The following CORIN variants were observed in gnomAD, a reference collection of about 807,000 sequenced individuals.
CORIN encodes the protein atrial natriuretic peptide-converting enzyme.
CORIN carries 117 observed loss-of-function variants against 125.3 expected under a neutral mutation model. That is an observed-to-expected ratio of 0.93 (90% CI 0.80 to 1.09). The LOEUF (loss-of-function observed/expected upper bound fraction) is 1.09. CORIN is among the 50% of genes least tolerant of loss of function. The probability of loss-of-function intolerance (pLI) is 0.00; values close to 1 mark genes in which losing one functional copy is unlikely to be tolerated. For synonymous variants in CORIN, 450 were observed against 466.4 expected, an observed-to-expected ratio of 0.96 and a Z score of 0.45; for missense variants, 1,253 against 1,306.7, an observed-to-expected ratio of 0.96 and a Z score of 0.63.
intron 5 of CORIN, among the ~76,000 whole-genome samples, chr4:47,736,906 GGTGAGCA>G (rs2109825222): frequency 1.3e-5 from 2 of 152,344 alleles, no homozygotes; most frequent in South Asian, 4.1e-4. Context: ...TAAGGGGCCA[GGTGAGCA>G]GTGAAAGGGG....
chr4:47,677,549 T>C (rs12644230), intron 9 of CORIN, among the ~76,000 whole-genome samples: 15,515 of 152,262 alleles, frequency 0.1, 1,268 homozygotes, highest in East Asian at 0.43. Context: ...GGCATTAAAC[T>C]GCTTCTCTGA....
chr4:47,603,250 C>A, intron 20 of CORIN, 147 bp downstream of exon 20: 1 of 751,742 alleles, frequency 1.3e-6, no homozygotes, highest in Non-Finnish European at 2.1e-6. Context: ...GACATGTTTG[C>A]TTCCCCTTCC....
At chr4:47,673,472 C>G (rs774405999) in intron 10 of CORIN, among the ~76,000 whole-genome samples, 8 of 151,548 alleles carry the variant, frequency 5.3e-5, no homozygotes, top group Non-Finnish European at 1.2e-4. Context: ...GCAAAAAGTT[C>G]ATTAGAAAAA....
chr4:47,700,532 A>G (rs1313861128), intron 5 of CORIN, among the ~76,000 whole-genome samples: 3 of 152,174 alleles, frequency 2.0e-5, no homozygotes, highest in African/African-American at 7.2e-5. Flanking sequence ...CAAGGATGCA[A>G]GGGGCTTACA....
chr4:47,700,559 G>A (rs748126880), intron 5 of CORIN, among the ~76,000 whole-genome samples: 5 of 152,164 alleles, frequency 3.3e-5, no homozygotes, highest in African/African-American at 4.8e-5. Context: ...CTGGAAGAAC[G>A]AAGGAAGGAC....
At chr4:47,643,857 C>T (rs895114007) in intron 14 of CORIN, among the ~76,000 whole-genome samples, 2 of 152,164 alleles carry the variant, frequency 1.3e-5, no homozygotes, top group Admixed American at 6.5e-5. Context: ...TTAGTTTAAG[C>T]TGGGCATGGC....
chr4:47,820,428 G>A (rs1237565449), intron 1 of CORIN, among the ~76,000 whole-genome samples: 1 of 152,078 alleles, frequency 6.6e-6, no homozygotes, highest in African/African-American at 2.4e-5. Context: ...CACTGTCAGT[G>A]AAAAGGAAGT....
intron 19 of CORIN, among the ~76,000 whole-genome samples, chr4:47,608,897 T>A (rs1465080881): frequency 6.6e-6 from 1 of 152,238 alleles, no homozygotes; most frequent in Non-Finnish European, 1.5e-5. Flanking sequence ...TTTCACTCAA[T>A]TCAGCTAGTC....
chr4:47,609,976 T>C (rs1489864946), intron 19 of CORIN, among the ~76,000 whole-genome samples: 2 of 152,362 alleles, frequency 1.3e-5, no homozygotes, highest in East Asian at 3.9e-4. Context: ...GGTGTATATG[T>C]ACCACATTTT....
At chr4:47,668,011 C>G (rs1450675562) in intron 10 of CORIN, among the ~76,000 whole-genome samples, 1 of 152,146 alleles carries the variant, frequency 6.6e-6, no homozygotes, top group African/African-American at 2.4e-5. Flanking sequence ...AGATCTCTCT[C>G]GCTCTCTTTT....
intron 1 of CORIN, chr4:47,837,398 C>G (rs1026282567): frequency 1.7e-5 from 4 of 231,950 alleles, no homozygotes; most frequent in Admixed American, 5.7e-5. Flanking sequence ...GACTGCTGCA[C>G]AGTCCCTCCA....
rs560787257 is a variant in CORIN, at chr4:47,802,852, A to C, written c.208+4051T>G. ...TTCAAGTCTCAACTAGCACAGTCCC[A>C]GTGGTAGTGGCCATGGGGATGTTGT... On this transcript the variant is annotated intron_variant, in intron 2 of 21. Coordinates refer to ENST00000273857, the MANE Select transcript of CORIN (RefSeq NM_006587.4). 9.0e-4 allele frequency among the ~76,000 whole-genome samples: 137 copies of C among 152,292 alleles called. 2 individuals carry two copies. Among genetic ancestry groups the C allele is most frequent in the Middle Eastern group, 3.4e-3 (1 of 294 alleles).
At chr4:47,673,888 T>C (rs1183239242) in intron 10 of CORIN, among the ~76,000 whole-genome samples, 1 of 152,058 alleles carries the variant, frequency 6.6e-6, no homozygotes, top group Non-Finnish European at 1.5e-5. Context: ...GAAGAATCAC[T>C]TGAATTTGGA....
intron 4 of CORIN, among the ~76,000 whole-genome samples, chr4:47,761,764 TAC>T (rs1316885179): frequency 6.6e-6 from 1 of 151,992 alleles, no homozygotes; most frequent in Admixed American, 6.6e-5. Flanking sequence ...GACACAAAAT[TAC>T]AGTTAGCTAG....
At chr4:47,632,867 C>T (rs1722895005) in intron 16 of CORIN, among the ~76,000 whole-genome samples, 1 of 151,980 alleles carries the variant, frequency 6.6e-6, no homozygotes, top group Admixed American at 6.6e-5. Context: ...GCAACCTCCA[C>T]CTTCCAGGTT....
At chr4:47,735,086 C>T (rs13146670) in intron 5 of CORIN, among the ~76,000 whole-genome samples, 14,782 of 152,214 alleles carry the variant, frequency 0.097, 842 homozygotes, top group East Asian at 0.27. Flanking sequence ...TAAAGTGGCT[C>T]TATAGCATAA....
intron 5 of CORIN, among the ~76,000 whole-genome samples, chr4:47,719,293 C>G (rs187287888): frequency 6.8e-4 from 103 of 152,200 alleles, no homozygotes; most frequent in South Asian, 3.3e-3. Flanking sequence ...TATGTGAGTC[C>G]TTGAGAACAG....
At chr4:47,606,752 T>C (rs7699028) in intron 19 of CORIN, among the ~76,000 whole-genome samples, 40,958 of 151,588 alleles carry the variant, frequency 0.27, 5,683 homozygotes, top group Admixed American at 0.35. Flanking sequence ...TTCTTCCTTC[T>C]CTTCCTCCCT....
At chr4:47,645,485 A>G (rs765254798) in intron 13 of CORIN, among the ~76,000 whole-genome samples, 1 of 151,464 alleles carries the variant, frequency 6.6e-6, no homozygotes, top group Non-Finnish European at 1.5e-5. Context: ...CTTTTTTCTT[A>G]AAAAGTTTTG....
Sources: gnomAD v4.1 joint callset for allele counts (sites outside exome capture counted in the v4.1 genomes callset) on GRCh38, gnomAD v4.1.1 for gene constraint, MANE v1.5 for transcripts, NCBI Gene and HGNC (gene_info 2026-07-23, HGNC 2026-07-21) for gene names.